Variants in PHF14 observed in about 807,000 individuals in gnomAD.
PHF14 encodes the protein PHD finger protein 14.
PHF14 carries 55 observed loss-of-function variants against 117.9 expected under a neutral mutation model. That is an observed-to-expected ratio of 0.47 (90% CI 0.38 to 0.58). The LOEUF (loss-of-function observed/expected upper bound fraction) is 0.58, where lower values mean the gene tolerates loss of function less well. Among genes scored for constraint, PHF14 ranks in the 20% least tolerant of loss-of-function variants. The pLI is 0.00. For synonymous variants in PHF14, 409 were observed against 368.6 expected, an observed-to-expected ratio of 1.11 and a Z score of -1.26; for missense variants, 978 against 1,122.2, an observed-to-expected ratio of 0.87 and a Z score of 1.84.
chr7:11,123,820 G>T (rs919228032), intron 17 of PHF14, among the ~76,000 whole-genome samples: 3 of 147,210 alleles, frequency 2.0e-5, no homozygotes, highest in Non-Finnish European at 4.4e-5. Flanking sequence ...CTACACTCCA[G>T]CCTGGGTGAA....
intron 16 of PHF14, among the ~76,000 whole-genome samples, chr7:11,069,811 G>C (rs930011659): frequency 6.6e-6 from 1 of 150,496 alleles, no homozygotes; most frequent in Non-Finnish European, 1.5e-5. Context: ...CCGTGGCTTG[G>C]TATTACCACC....
chr7:11,055,150 C>T (rs1052026438), intron 14 of PHF14, among the ~76,000 whole-genome samples: 2 of 152,112 alleles, frequency 1.3e-5, no homozygotes, highest in Non-Finnish European at 2.9e-5. Context: ...ATTTTCTCTG[C>T]ATTATTTTCT....
At chr7:10,976,624 A>G (rs1202598611) in intron 2 of PHF14, among the ~76,000 whole-genome samples, 1 of 152,112 alleles carries the variant, frequency 6.6e-6, no homozygotes, top group Admixed American at 6.5e-5. Flanking sequence ...TTCAAGTGGT[A>G]AAACAATCTG....
chr7:11,129,527 G>T (rs1185837888), intron 17 of PHF14, among the ~76,000 whole-genome samples: 1 of 147,144 alleles, frequency 6.8e-6, no homozygotes, highest in African/African-American at 2.5e-5. Context: ...AAATGAAAAT[G>T]CCTATTTTGT....
intron 16 of PHF14, among the ~76,000 whole-genome samples, chr7:11,072,619 GC>G (rs547740655): frequency 2.1e-3 from 327 of 152,182 alleles, no homozygotes; most frequent in Admixed American, 4.6e-3. Context: ...AATGGTAAAG[GC>G]TATATATATG....
chr7:11,008,524 A>G (rs1357211247), intron 4 of PHF14, among the ~76,000 whole-genome samples: 3 of 152,108 alleles, frequency 2.0e-5, no homozygotes, highest in Non-Finnish European at 4.4e-5. Context: ...TGAGGGATCT[A>G]GGTTTCATAC....
chr7:11,104,321 T>C (rs1007889734), intron 16 of PHF14: 12 of 979,366 alleles, frequency 1.2e-5, no homozygotes, highest in African/African-American at 1.7e-5. Flanking sequence ...TCATAAGATA[T>C]AGGTCCTGCA....
At chr7:11,152,159 C>A (rs930195549) in intron 17 of PHF14, among the ~76,000 whole-genome samples, 2 of 151,968 alleles carry the variant, frequency 1.3e-5, no homozygotes, top group Admixed American at 6.6e-5. Context: ...GAATAATAAT[C>A]TGGTCAGTAT....
At chr7:11,099,348 T>C (rs1787001167) in intron 16 of PHF14, among the ~76,000 whole-genome samples, 1 of 152,158 alleles carries the variant, frequency 6.6e-6, no homozygotes, top group African/African-American at 2.4e-5. Context: ...TGTTTGGATT[T>C]TAAAATTTTT....
intron 13 of PHF14, among the ~76,000 whole-genome samples, chr7:11,048,897 G>A (rs887883442): frequency 6.6e-6 from 1 of 151,318 alleles, no homozygotes; most frequent in Admixed American, 6.6e-5. Context: ...GAGTTGTTCC[G>A]TGTTTTGTGG....
At chr7:11,050,646 G>T (rs1410158950) in intron 13 of PHF14, among the ~76,000 whole-genome samples, 1 of 151,866 alleles carries the variant, frequency 6.6e-6, no homozygotes, top group Non-Finnish European at 1.5e-5. Flanking sequence ...CCACTGTTCT[G>T]GACAGCACAG....
Position 10,974,341 on chromosome 7 carries a change from C to T in PHF14, c.1+17C>T, listed in dbSNP as rs757044561. 2.5e-6 allele frequency: 4 copies of T among 1,586,636 alleles called. No individual in the cohort carries two copies. The South Asian group carries it at 4.6e-5, about 18-fold the overall frequency. Reference sequence around the variant, plus strand: ...GATTCCTTAGTAAGTGTATCCGAGGCCTCTGCGGCGAGAGGTCCATTTCAG... The same window carrying T: ...GATTCCTTAGTAAGTGTATCCGAGGTCTCTGCGGCGAGAGGTCCATTTCAG... On this transcript the variant is annotated intron_variant, in intron 1 of 17. Coordinates refer to ENST00000634607, the MANE Select transcript of PHF14 (RefSeq NM_001007157.2).
intron 16 of PHF14, among the ~76,000 whole-genome samples, chr7:11,087,782 CTG>C (rs1206994400): frequency 3.3e-5 from 5 of 152,092 alleles, no homozygotes; most frequent in Admixed American, 6.5e-5. Context: ...GTATGAGACT[CTG>C]TCACTCTTTT....
chr7:11,036,319 T>C, intron 8 of PHF14, 99 bp from the exon 9 acceptor site: 1 of 1,044,556 alleles, frequency 9.6e-7, no homozygotes, highest in Non-Finnish European at 1.4e-6. Context: ...AAGTTCTGAT[T>C]ATCTTTCTGT....
chr7:11,164,351 A>G (rs933878159), intron 17 of PHF14, among the ~76,000 whole-genome samples: 3 of 152,324 alleles, frequency 2.0e-5, no homozygotes, highest in Admixed American at 1.3e-4. Context: ...AAGGAAATCT[A>G]TGCTCACAGT....
At chr7:11,062,181 C>A (rs908451133) in intron 16 of PHF14, 96 bp downstream of exon 16, 2 of 1,031,486 alleles carry the variant, frequency 1.9e-6, no homozygotes, top group African/African-American at 1.6e-5. Flanking sequence ...CAGGATAAGA[C>A]CTTTCTTAAA....
At chr7:11,083,619 C>T (rs1033477164) in intron 16 of PHF14, among the ~76,000 whole-genome samples, 3 of 151,942 alleles carry the variant, frequency 2.0e-5, no homozygotes, top group African/African-American at 7.3e-5. Flanking sequence ...CGCCACTACG[C>T]CCGGCTAACT....
chr7:11,111,228 A>C (rs1007565922), intron 16 of PHF14, 122 bp from the exon 17 acceptor site: 10 of 456,384 alleles, frequency 2.2e-5, no homozygotes, highest in African/African-American at 1.8e-4. Flanking sequence ...CTTGTGAGCC[A>C]AGGATAAAAT....
At chr7:11,147,712 T>C (rs754087334) in intron 17 of PHF14, among the ~76,000 whole-genome samples, 2 of 152,212 alleles carry the variant, frequency 1.3e-5, no homozygotes, top group Non-Finnish European at 2.9e-5. Flanking sequence ...GTGCTCAAGT[T>C]GTATTAGTAA....
Sources: gnomAD v4.1 joint callset for allele counts (sites outside exome capture counted in the v4.1 genomes callset) on GRCh38, gnomAD v4.1.1 for gene constraint, MANE v1.5 for transcripts, NCBI Gene and HGNC (gene_info 2026-07-23, HGNC 2026-07-21) for gene names.